The following PLXDC2 variants were observed in gnomAD, a reference collection of about 807,000 sequenced individuals.
PLXDC2 encodes plexin domain containing 2, also known as plexin domain-containing protein 2.
PLXDC2 carries 40 observed loss-of-function variants against 68.9 expected under a neutral mutation model. The ratio of observed to expected loss-of-function variants is 0.58; its 90% CI spans 0.45 to 0.76. The LOEUF (loss-of-function observed/expected upper bound fraction) is 0.76. Among genes scored for constraint, PLXDC2 ranks in the 30% least tolerant of loss-of-function variants. PLXDC2 has a pLI of 0.00. For missense variants in PLXDC2, 644 were observed against 661.9 expected (o/e 0.97, Z 0.30); for synonymous variants, 243 against 234.2 (o/e 1.04, Z -0.34).
chr10:19,906,067 A>G (rs1188450263), intron 1 of PLXDC2, among the ~76,000 whole-genome samples: 1 of 152,178 alleles, frequency 6.6e-6, no homozygotes, highest in African/African-American at 2.4e-5. Context: ...ACAGACACAA[A>G]CTAAAGTGAA....
chr10:19,899,958 T>A (rs543634059), intron 1 of PLXDC2, among the ~76,000 whole-genome samples: 67 of 152,280 alleles, frequency 4.4e-4, no homozygotes, highest in Middle Eastern at 3.4e-3. Context: ...GGTTAGAGAA[T>A]TATTATGTTT....
intron 1 of PLXDC2, among the ~76,000 whole-genome samples, chr10:19,951,879 G>A (rs1299614162): frequency 2.0e-5 from 3 of 152,130 alleles, no homozygotes; most frequent in Admixed American, 6.5e-5. Context: ...CTAATCCTAA[G>A]CCAGTGAATA....
At chr10:19,850,793 A>G (rs2481940) in intron 1 of PLXDC2, among the ~76,000 whole-genome samples, 141,572 of 152,210 alleles carry the variant, frequency 0.93, 65,997 homozygotes, top group African/African-American at 0.98. Context: ...CAGTGTTCTC[A>G]AATGGCAACC....
chr10:20,127,927 A>G (rs1448458884), intron 4 of PLXDC2, among the ~76,000 whole-genome samples: 1 of 152,196 alleles, frequency 6.6e-6, no homozygotes. Context: ...TTCCCTCTCT[A>G]GAGCAGAACA....
chr10:20,049,670 A>G (rs577763680), intron 3 of PLXDC2, among the ~76,000 whole-genome samples: 6 of 152,152 alleles, frequency 3.9e-5, no homozygotes, highest in Admixed American at 3.3e-4. Flanking sequence ...AAAAATCTCT[A>G]CAATGAGAAT....
intron 4 of PLXDC2, among the ~76,000 whole-genome samples, chr10:20,128,382 C>A (rs1020669886): frequency 6.6e-6 from 1 of 151,992 alleles, no homozygotes; most frequent in Admixed American, 6.6e-5. Context: ...ATATAATTGG[C>A]AAATGCAATT....
intron 1 of PLXDC2, among the ~76,000 whole-genome samples, chr10:19,974,900 C>A (rs1834422566): frequency 6.6e-6 from 1 of 151,964 alleles, no homozygotes. Flanking sequence ...GTTGAAGGAC[C>A]CAGGAAAAGG....
At chr10:20,173,981 A>G (rs1170617525) in intron 7 of PLXDC2, among the ~76,000 whole-genome samples, 3 of 152,208 alleles carry the variant, frequency 2.0e-5, no homozygotes, top group Non-Finnish European at 4.4e-5. Flanking sequence ...TAGAACTAGC[A>G]TAGCAAAAAA....
chr10:20,204,014 A>C (rs185930452), intron 9 of PLXDC2, among the ~76,000 whole-genome samples: 1 of 119,644 alleles, frequency 8.4e-6, no homozygotes, highest in Non-Finnish European at 1.8e-5. Flanking sequence ...TGTCTCTGTA[A>C]TAGGTTATGA....
chr10:20,030,389 C>T (rs1162354853), intron 2 of PLXDC2, among the ~76,000 whole-genome samples: 1 of 152,196 alleles, frequency 6.6e-6, no homozygotes, highest in African/African-American at 2.4e-5. Context: ...ACCTTGTAGG[C>T]AATGCCTCAA....
At chr10:19,829,920 A>G (rs1289388196) in intron 1 of PLXDC2, among the ~76,000 whole-genome samples, 1 of 152,328 alleles carries the variant, frequency 6.6e-6, no homozygotes, top group African/African-American at 2.4e-5. Flanking sequence ...GGTGTTATCA[A>G]GAGTAGTTTT....
chr10:20,148,167 G>A (rs1011628832), intron 6 of PLXDC2, among the ~76,000 whole-genome samples: 2 of 151,800 alleles, frequency 1.3e-5, no homozygotes, highest in African/African-American at 4.8e-5. Flanking sequence ...ACTAATTATT[G>A]AGTAATTAGA....
intron 7 of PLXDC2, among the ~76,000 whole-genome samples, chr10:20,173,582 T>C (rs1257528487): frequency 6.6e-6 from 1 of 152,220 alleles, no homozygotes; most frequent in Admixed American, 6.5e-5. Flanking sequence ...CGCCTTAAGC[T>C]TTCGATCACA....
At chr10:19,824,935 TA>T (rs1340892862) in intron 1 of PLXDC2, among the ~76,000 whole-genome samples, 4 of 152,222 alleles carry the variant, frequency 2.6e-5, no homozygotes, top group Non-Finnish European at 4.4e-5. Context: ...TGTTAAGGAT[TA>T]CAGATCTGAA....
At chr10:20,036,818 T>C (rs761401357) in intron 2 of PLXDC2, among the ~76,000 whole-genome samples, 4 of 152,226 alleles carry the variant, frequency 2.6e-5, no homozygotes, top group African/African-American at 9.6e-5. Flanking sequence ...AAGATTCTTA[T>C]ATTCCCTTCA....
At chr10:20,006,952 G>A (rs923679907) in intron 2 of PLXDC2, among the ~76,000 whole-genome samples, 1 of 152,196 alleles carries the variant, frequency 6.6e-6, no homozygotes, top group East Asian at 1.9e-4. Context: ...TCATACGGAC[G>A]TATAACCACT....
chr10:19,849,802 T>C (rs117052054), intron 1 of PLXDC2, among the ~76,000 whole-genome samples: 3,152 of 152,150 alleles, frequency 0.021, 64 homozygotes, highest in Middle Eastern at 0.041. Flanking sequence ...TTTGAATGGA[T>C]GGGATGGGTT....
chr10:20,109,942 G>A (rs569669325), intron 4 of PLXDC2, among the ~76,000 whole-genome samples: 6 of 152,240 alleles, frequency 3.9e-5, no homozygotes, highest in South Asian at 2.1e-4. Context: ...AAGCATTCAC[G>A]GAGAGGTAAT....
chr10:19,970,312 T>A (rs1834328546), intron 1 of PLXDC2, among the ~76,000 whole-genome samples: 1 of 152,204 alleles, frequency 6.6e-6, no homozygotes, highest in East Asian at 1.9e-4. Context: ...AACTGCCTCA[T>A]CATCATCATA....
Sources: gnomAD v4.1 joint callset for allele counts (sites outside exome capture counted in the v4.1 genomes callset) on GRCh38, gnomAD v4.1.1 for gene constraint, MANE v1.5 for transcripts, NCBI Gene and HGNC (gene_info 2026-07-23, HGNC 2026-07-21) for gene names.